BRAT1: variants seen among roughly 807,000 people sequenced by gnomAD.
BRAT1 encodes the protein BRCA1 associated ATM activator 1, also known as integrator complex assembly factor BRAT1.
A neutral mutation model predicts 70.6 loss-of-function variants in BRAT1; 74 were observed. The observed-to-expected ratio is 1.05, with a 90% CI of 0.87 to 1.27. The LOEUF is 1.27. Ranked by LOEUF, BRAT1 falls within the 50% of genes most tolerant of loss-of-function variation. The pLI is 0.00. For missense variants in BRAT1, 1,203 were observed against 1,098.2 expected, an observed-to-expected ratio of 1.10 and a Z score of -1.35; for synonymous variants, 615 against 517.1, an observed-to-expected ratio of 1.19 and a Z score of -2.57.
chr7:2,540,011 G>A, intron 10 of BRAT1, 123 bp from the exon 11 acceptor site: 1 of 669,370 alleles, frequency 1.5e-6, no homozygotes, highest in Non-Finnish European at 2.4e-6. Context: ...AGGAAGTGGA[G>A]AGAGAAGGGA....
At position 2,539,628 on chromosome 7, in the gene BRAT1, G is replaced by A. The variant is rs1778986428; in HGVS notation, c.1513C>T (p.Leu505=). The A allele has an allele frequency of 6.3e-7, 1 of 1,594,720 alleles. No individual in the cohort carries two copies. Among genetic ancestry groups the A allele is most frequent in the African/African-American group, 1.3e-5 (1 of 74,558 alleles). Residue 505 remains leucine (L), a synonymous_variant, in exon 12 of 14, where the codon CTG becomes TTG. Coordinates refer to ENST00000340611, the MANE Select transcript of BRAT1 (RefSeq NM_152743.4). ...PQFLRELFPV[L]QKRLCHPCWE... The stretch of plus-strand genomic sequence containing the variant: ...CAGGGGTGGCACAGGCGTTTCTGCA[G>A]CACAGGGAACAGCTCTAGGGTGGGA...
rs759592506 is a variant in BRAT1, at chr7:2,538,165, C to T, written c.2370G>A (p.Glu790=). The T allele has an allele frequency of 9.9e-6, 16 of 1,609,062 alleles. No homozygotes were observed. Among genetic ancestry groups the T allele is most frequent in the Non-Finnish European group, 1.0e-5 (12 of 1,177,222 alleles). Reference sequence around the variant, plus strand: ...GACTCTTTTCCACGTGGTCGCTGCTCTCGGCCAGCGTGCTCCGCAGGCCCT... The same window carrying T: ...GACTCTTTTCCACGTGGTCGCTGCTTTCGGCCAGCGTGCTCCGCAGGCCCT... ...DLEGLRSTLA[E]SSDHVEKSPQ... is the part of the protein sequence containing the mutation. The change falls in exon 14 of 14, where the codon GAG becomes GAA. Residue 790 remains glutamate, a synonymous_variant. Transcript: ENST00000340611.
intron 1 of BRAT1, among the ~76,000 whole-genome samples, chr7:2,554,942 G>A (rs987751679): frequency 2.0e-5 from 3 of 152,178 alleles, no homozygotes; most frequent in South Asian, 2.1e-4. Context: ...GGTGCGGAGG[G>A]GAAGGGGCGC....
At chr7:2,540,102 T>C (rs1779032277) in intron 10 of BRAT1, 3 of 500,846 alleles carry the variant, frequency 6.0e-6, no homozygotes. Flanking sequence ...CACTGCAGCC[T>C]CCACCTCCCA....
intron 6 of BRAT1, 110 bp from the exon 7 acceptor site, chr7:2,542,321 C>A (rs1779239860): frequency 2.2e-6 from 2 of 904,232 alleles, no homozygotes; most frequent in Admixed American, 4.4e-5. Context: ...GTTGGGACAC[C>A]CCCCGAGAAA....
In BRAT1 at chr7:2,538,758, A is replaced by C; in HGVS notation, c.1777T>G (p.Phe593Val). The C allele has an allele frequency of 6.3e-7, 1 of 1,598,288 alleles. No homozygotes were observed. The highest frequency in any genetic ancestry group is 8.5e-7 in the Non-Finnish European group (1 of 1,179,842). ...GAGAGGATGTGCAGGAGCTCCAGGA[A>C]CAGGCTCTGGGGGACAGGGAGCAAG... ...PEHAEARQSL[F>V]LELLHILSVD... The change falls in exon 14 of 14, where the codon TTC becomes GTC. Residue 593 changes from phenylalanine to valine, a missense_variant. Transcript: ENST00000340611.
rs769390713 is a variant in BRAT1, at chr7:2,538,040, T to C, written c.*29A>G. 1.5e-5 allele frequency: 23 copies of C among 1,521,672 alleles called. No homozygotes were observed. The highest frequency in any genetic ancestry group is 1.9e-5 in the Non-Finnish European group (22 of 1,132,308). The allele number at this position is 1,521,672 out of a possible 1,614,324, so 94.3% of individuals were successfully genotyped here. On this transcript the variant is annotated 3_prime_UTR_variant, in exon 14 of 14. Coordinates refer to ENST00000340611, the MANE Select transcript of BRAT1 (RefSeq NM_152743.4). ...GACATGGTGCTGCCTCCCTTGGTCC[T>C]GAGCCCCAGTGGCAGACTCTGGTTC...
intron 2 of BRAT1, among the ~76,000 whole-genome samples, chr7:2,549,425 C>G (rs968728219): frequency 6.6e-6 from 1 of 151,924 alleles, no homozygotes; most frequent in Non-Finnish European, 1.5e-5. Flanking sequence ...TGCAGTGAGC[C>G]GTGATTACAC....
At chr7:2,550,032 G>C (rs769296558) in intron 2 of BRAT1, among the ~76,000 whole-genome samples, 1 of 151,948 alleles carries the variant, frequency 6.6e-6, no homozygotes, top group Non-Finnish European at 1.5e-5. Context: ...GTGTGGTGGT[G>C]TGTCCCTGTA....
At chr7:2,554,759 G>T (rs914691574) in intron 1 of BRAT1, among the ~76,000 whole-genome samples, 1 of 152,232 alleles carries the variant, frequency 6.6e-6, no homozygotes, top group African/African-American at 2.4e-5. Flanking sequence ...CAACAGCGTG[G>T]TGCTGGCCCA....
chr7:2,555,144 C>T (rs908876888), intron 1 of BRAT1, among the ~76,000 whole-genome samples: 7 of 151,714 alleles, frequency 4.6e-5, no homozygotes, highest in Admixed American at 2.0e-4. Flanking sequence ...GCGCCTGTCT[C>T]TCCCAGGACC....
intron 2 of BRAT1, among the ~76,000 whole-genome samples, chr7:2,550,065 G>A (rs529755991): frequency 6.6e-6 from 1 of 151,850 alleles, no homozygotes; most frequent in South Asian, 2.1e-4. Flanking sequence ...CAGGAGGCTG[G>A]GGTGGGAGGA....
intron 3 of BRAT1, 114 bp downstream of exon 3, chr7:2,547,210 G>C: frequency 7.3e-7 from 1 of 1,370,038 alleles, no homozygotes; most frequent in East Asian, 2.3e-5. Flanking sequence ...CACAGGGTCG[G>C]GGCAGGCCGC....
At chr7:2,546,561 C>G (rs1374356728) in intron 3 of BRAT1, among the ~76,000 whole-genome samples, 3 of 152,066 alleles carry the variant, frequency 2.0e-5, no homozygotes, top group Non-Finnish European at 2.9e-5. Flanking sequence ...ATGGTGAAAT[C>G]CTGTCTCTAC....
In BRAT1 at chr7:2,538,026, G is replaced by C. The variant is rs746736482; in HGVS notation, c.*43C>G. The C allele has an allele frequency of 3.3e-6, 5 of 1,505,758 alleles. No individual in the cohort carries two copies. The highest frequency in any genetic ancestry group is 4.4e-6 in the Non-Finnish European group (5 of 1,126,932). 93.3% of individuals were successfully genotyped at this position (1,505,758 alleles called of 1,614,324 possible). ...GTGTCCCACAGAAGGACATGGTGCT[G>C]CCTCCCTTGGTCCTGAGCCCCAGTG... On this transcript the variant is annotated 3_prime_UTR_variant, in exon 14 of 14. Transcript: ENST00000340611.
chr7:2,538,891 A>C, intron 13 of BRAT1, 127 bp from the exon 14 acceptor site: 1 of 1,492,622 alleles, frequency 6.7e-7, no homozygotes, highest in Non-Finnish European at 8.9e-7. Context: ...CCGCTCTGAC[A>C]CCTTCCCATG....
intron 1 of BRAT1, among the ~76,000 whole-genome samples, chr7:2,555,270 C>T (rs923987930): frequency 1.3e-5 from 2 of 152,106 alleles, no homozygotes; most frequent in Non-Finnish European, 1.5e-5. Context: ...GAGGAACCCT[C>T]CCCACACTTT....
Position 2,538,603 on chromosome 7 carries a change from T to C in BRAT1, c.1932A>G (p.Arg644=), listed in dbSNP as rs4719552. ...FVATVLQAAS[R]DLDWEVRAQG... ...GGGCGCGGACCTCCCAGTCCAGGTC[T>C]CGGCTCGCCGCCTGCAGCACAGTGG... Residue 644 remains arginine, a synonymous_variant, in exon 14 of 14, where the codon CGA becomes CGG. Transcript: ENST00000340611. 0.36 allele frequency: 577,628 copies of C among 1,597,032 alleles called. 109,578 individuals are homozygous for C. Among genetic ancestry groups the C allele is most frequent in the African/African-American group, 0.67 (50,363 of 74,930 alleles).
rs1185091641 is a variant in BRAT1 at position 2,539,875 on chromosome 7, G to C, written c.1409C>G (p.Ala470Gly). 1 of 1,571,862 alleles carries C rather than the reference G, an allele frequency of 6.4e-7. No individual in the cohort carries two copies. The highest frequency in any genetic ancestry group is 8.6e-7 in the Non-Finnish European group (1 of 1,161,778). ...PGSSPTVLKK[A>G]FQATLRWLLS... is the part of the protein sequence containing the mutation. ...GAGCCACCTGAGCGTGGCCTGGAAG[G>C]CCTTCTTCAGAACCTGGAGCAGATA... Residue 470 changes from alanine (A) to glycine (G), a missense_variant, in exon 11 of 14, where the codon GCC becomes GGC. Coordinates refer to ENST00000340611, the MANE Select transcript of BRAT1 (RefSeq NM_152743.4).
Sources: allele counts gnomAD v4.1 joint callset (sites outside exome capture counted in the v4.1 genomes callset), GRCh38; gene constraint gnomAD v4.1.1; transcripts MANE v1.5; gene names NCBI Gene and HGNC (gene_info 2026-07-23, HGNC 2026-07-21).